The following ERG variants were observed in gnomAD, a reference collection of about 807,000 sequenced individuals.
The protein encoded by ERG is transcriptional regulator ERG.
A neutral mutation model predicts 55.3 loss-of-function variants in ERG; 9 were observed. That is an observed-to-expected ratio of 0.16 (90% confidence interval 0.10 to 0.28). ERG has a LOEUF of 0.28. ERG is among the 10% of genes least tolerant of loss of function. ERG has a pLI of 1.00. For synonymous variants in ERG, 223 were observed against 237.3 expected (o/e 0.94, Z 0.55); for missense variants, 434 against 631.6 (o/e 0.69, Z 3.35).
At chr21:38,448,950 C>G (rs928089160) in intron 1 of ERG, 3 of 152,262 alleles carry the variant, frequency 2.0e-5, no homozygotes, top group Non-Finnish European at 2.9e-5. Context: ...CTGGCCTTGA[C>G]TGACATGTCT....
intron 2 of ERG, among the ~76,000 whole-genome samples, chr21:38,555,675 T>G (rs2059854262): frequency 6.6e-6 from 1 of 152,058 alleles, no homozygotes. Context: ...CATGGAAAAA[T>G]GGACTAAGGA....
intron 1 of ERG, among the ~76,000 whole-genome samples, chr21:38,468,982 C>CAAAAAAAAAAAAAAAAAA (rs1261630693): frequency 3.8e-4 from 11 of 29,026 alleles, no homozygotes; most frequent in East Asian, 1.0e-3. Flanking sequence ...GACTCTGTCT[C>CAAAAAAAAAAAAAAAAAA]AAAAAAAAAA....
intron 1 of ERG, among the ~76,000 whole-genome samples, chr21:38,646,266 G>C (rs950313935): frequency 4.1e-5 from 6 of 146,508 alleles, no homozygotes; most frequent in African/African-American, 1.6e-4. Flanking sequence ...GGGTGACAGA[G>C]GGAGTCTCTG....
chr21:38,647,292 G>T (rs554303180), intron 1 of ERG, among the ~76,000 whole-genome samples: 1 of 152,134 alleles, frequency 6.6e-6, no homozygotes. Flanking sequence ...CTAAGGTCAC[G>T]TACGGGCATC....
At chr21:38,442,401 A>G (rs1035307643) in intron 2 of ERG, among the ~76,000 whole-genome samples, 1 of 152,172 alleles carries the variant, frequency 6.6e-6, no homozygotes, top group African/African-American at 2.4e-5. Context: ...CATCTAAAAG[A>G]AAAATAAAAA....
upstream of ERG, among the ~76,000 whole-genome samples, chr21:38,498,747 T>G (rs1228622933): frequency 6.6e-6 from 1 of 152,050 alleles, no homozygotes; most frequent in East Asian, 1.9e-4. The surrounding 1 kb of genome is among the most constrained non-coding windows in gnomAD (Gnocchi z 4.6). Context: ...CAAGGCAGGA[T>G]GCAGATGTGA....
At chr21:38,494,139 G>C (rs564952407) in intron 1 of ERG, among the ~76,000 whole-genome samples, 1 of 152,156 alleles carries the variant, frequency 6.6e-6, no homozygotes, top group African/African-American at 2.4e-5. Context: ...GTGTGTCTGC[G>C]GCCACGTAAG....
intron 6 of ERG, 124 bp downstream of exon 6, chr21:38,400,450 C>T (rs758781195): frequency 4.9e-6 from 4 of 809,654 alleles, no homozygotes; most frequent in African/African-American, 1.7e-5. Flanking sequence ...CAGAATAAGA[C>T]TGTCTGGGAC....
At position 38,600,400 on chromosome 21, in the gene ERG, G is replaced by A. The variant is rs1171721136; in HGVS notation, c.-149-15455C>T. Among the ~76,000 whole-genome samples, 5 of 152,130 alleles carry A rather than the reference G, an allele frequency of 3.3e-5. No homozygotes were observed. The East Asian group carries it at 7.7e-4, about 23-fold the overall frequency. On this transcript the variant is annotated intron_variant, in intron 1 of 10. Coordinates refer to the ERG transcript ENST00000398910. ...AGGTGGGATGGGTAAGACAGAAAAC[G>A]TCCCCTGAAGGACAAGACTCAGGAC...
chr21:38,632,390 T>C (rs1249087675), intron 1 of ERG, among the ~76,000 whole-genome samples: 6 of 152,122 alleles, frequency 3.9e-5, no homozygotes, highest in Non-Finnish European at 8.8e-5. Context: ...GGTCAGGATG[T>C]AGAGGAGGTA....
At chr21:38,409,481 C>T (rs532890911) in intron 3 of ERG, among the ~76,000 whole-genome samples, 24 of 128,114 alleles carry the variant, frequency 1.9e-4, no homozygotes, top group East Asian at 6.8e-4. Flanking sequence ...AGCGAAACTC[C>T]GTCTCATAAA....
At chr21:38,473,190 C>T (rs1016653144) in intron 1 of ERG, among the ~76,000 whole-genome samples, 5 of 146,552 alleles carry the variant, frequency 3.4e-5, no homozygotes, top group African/African-American at 1.3e-4. Context: ...GGCTTAGAGA[C>T]ACGTCAAAAG....
intron 5 of ERG, among the ~76,000 whole-genome samples, chr21:38,401,454 G>A (rs565905869): frequency 1.3e-5 from 2 of 152,292 alleles, no homozygotes; most frequent in East Asian, 1.9e-4. Context: ...CTACCAACTC[G>A]AAGCAGGTTT....
At chr21:38,554,469 C>T (rs1158717934) in intron 2 of ERG, among the ~76,000 whole-genome samples, 2 of 152,134 alleles carry the variant, frequency 1.3e-5, no homozygotes, top group African/African-American at 2.4e-5. Context: ...GGTACACAAA[C>T]ATTACAGAAT....
At chr21:38,520,742 G>A (rs906867363) in intron 2 of ERG, among the ~76,000 whole-genome samples, 10 of 152,078 alleles carry the variant, frequency 6.6e-5, no homozygotes, top group Non-Finnish European at 8.8e-5. Flanking sequence ...CAGAGAGCAC[G>A]AAAAAAGAAC....
At chr21:38,642,851 T>C (rs1268408763) in intron 1 of ERG, among the ~76,000 whole-genome samples, 1 of 152,230 alleles carries the variant, frequency 6.6e-6, no homozygotes, top group Non-Finnish European at 1.5e-5. Flanking sequence ...GTATGTGTTT[T>C]CCCAAGCAGC....
At chr21:38,569,199 A>G (rs1363891261) in intron 2 of ERG, among the ~76,000 whole-genome samples, 1 of 152,194 alleles carries the variant, frequency 6.6e-6, no homozygotes, top group African/African-American at 2.4e-5. Context: ...GGTACATGGA[A>G]GGTTTGCTAA....
chr21:38,367,599 T>G, the ERG span: 1 of 521,746 alleles, frequency 1.9e-6, no homozygotes, highest in Admixed American at 2.3e-5. Flanking sequence ...AGTCACACAC[T>G]GTCACATCTG....
chr21:38,537,245 G>T (rs1322805511), intron 2 of ERG, among the ~76,000 whole-genome samples: 3 of 152,000 alleles, frequency 2.0e-5, no homozygotes, highest in Non-Finnish European at 4.4e-5. Flanking sequence ...TCATAACACT[G>T]GATTTCACAA....
Sources: allele counts gnomAD v4.1 joint callset (sites outside exome capture counted in the v4.1 genomes callset), GRCh38; gene constraint gnomAD v4.1.1; non-coding constraint Gnocchi (gnomAD v3.1); transcripts MANE v1.5; gene names NCBI Gene and HGNC (gene_info 2026-07-23, HGNC 2026-07-21).